INPP4A: variants seen among roughly 807,000 people sequenced by gnomAD.
INPP4A encodes the protein inositol polyphosphate-4-phosphatase type I A, also known as inositol polyphosphate-4-phosphatase, type I, 107kD.
INPP4A carries 33 observed loss-of-function variants against 119.8 expected under a neutral mutation model. The ratio of observed to expected loss-of-function variants is 0.28; its 90% confidence interval spans 0.21 to 0.37. The LOEUF (loss-of-function observed/expected upper bound fraction) is 0.37, where lower values mean the gene tolerates loss of function less well. Among genes scored for constraint, INPP4A ranks in the 10% least tolerant of loss-of-function variants. The probability of loss-of-function intolerance (pLI) is 1.00; values close to 1 mark genes in which losing one functional copy is unlikely to be tolerated. For synonymous variants in INPP4A, 496 were observed against 500.7 expected, an observed-to-expected ratio of 0.99 and a Z score of 0.12; for missense variants, 956 against 1,289.9, an observed-to-expected ratio of 0.74 and a Z score of 3.97.
At chr2:98,453,317 C>T (rs535805571) in intron 1 of INPP4A, among the ~76,000 whole-genome samples, 29 of 152,346 alleles carry the variant, frequency 1.9e-4, no homozygotes, top group African/African-American at 6.5e-4. Context: ...AGGGTCCACA[C>T]AGCATGTTTC....
rs999076270 is a variant in INPP4A at position 98,444,958 on chromosome 2, GC to G, written c.-292del. 2.7e-4 allele frequency: 40 copies of G among 150,878 alleles called. No homozygotes were observed. Among genetic ancestry groups the G allele is most frequent in the African/African-American group, 9.4e-4 (39 of 41,388 alleles). 9.3% of individuals were successfully genotyped at this position (150,878 alleles called of 1,614,324 possible). On this transcript the variant is annotated 5_prime_UTR_variant, in exon 1 of 25. Coordinates refer to ENST00000409851, the MANE Select transcript of INPP4A (RefSeq NM_001134225.2). ...TCCGTGGGCCGGGGCAGGAGGACCAGCACCTGAGGCCGGGCCCGCAGCCCGC... is the reference window on the plus strand; with the variant it reads ...TCCGTGGGCCGGGGCAGGAGGACCAGACCTGAGGCCGGGCCCGCAGCCCGC...
chr2:98,534,146 C>T (rs182270415), intron 5 of INPP4A, among the ~76,000 whole-genome samples: 33 of 152,360 alleles, frequency 2.2e-4, no homozygotes, highest in African/African-American at 7.7e-4. Flanking sequence ...CTAGCCCACC[C>T]TTTCAGTCTC....
intron 11 of INPP4A, among the ~76,000 whole-genome samples, chr2:98,544,404 C>A (rs1575011515): frequency 6.6e-6 from 1 of 152,142 alleles, no homozygotes; most frequent in Admixed American, 6.5e-5. Context: ...GTAGGCCACT[C>A]GCCTTGAAAC....
intron 1 of INPP4A, among the ~76,000 whole-genome samples, chr2:98,516,294 T>C (rs147046929): frequency 0.013 from 1,946 of 152,320 alleles, 19 homozygotes; most frequent in Admixed American, 0.019. Flanking sequence ...TATGAAGTGC[T>C]TCTAAGGTCT....
chr2:98,581,999 T>C (rs556666037), intron 24 of INPP4A, among the ~76,000 whole-genome samples: 1 of 152,356 alleles, frequency 6.6e-6, no homozygotes, highest in African/African-American at 2.4e-5. Flanking sequence ...GTTCTTACGG[T>C]GCCCTGTCAC....
intron 1 of INPP4A, among the ~76,000 whole-genome samples, chr2:98,455,916 C>T (rs1696061218): frequency 6.6e-6 from 1 of 152,240 alleles, no homozygotes; most frequent in Non-Finnish European, 1.5e-5. Context: ...AGACCACATT[C>T]TTCCTGGTCC....
rs376604617 is a variant in INPP4A, at chr2:98,555,975, G to A, written c.1822+167G>A. 3.9e-4 allele frequency: 289 copies of A among 748,552 alleles called. 1 individual carries two copies. Among genetic ancestry groups the A allele is most frequent in the East Asian group, 1.1e-3 (38 of 36,036 alleles). 46.4% of individuals were successfully genotyped at this position (748,552 alleles called of 1,614,324 possible). On this transcript the variant is annotated intron_variant, in intron 16 of 24. Coordinates refer to ENST00000409851, the MANE Select transcript of INPP4A (RefSeq NM_001134225.2). ...GCATGGAGCAGCAGGCAGTGAGAGC[G>A]GAGTCTCCGGTTGCCTTTCCATGTA... is the stretch of plus-strand genomic sequence containing the variant.
At chr2:98,552,021 C>A (rs887637307) in intron 13 of INPP4A, among the ~76,000 whole-genome samples, 1 of 152,112 alleles carries the variant, frequency 6.6e-6, no homozygotes, top group African/African-American at 2.4e-5. Context: ...AGGGGCTGGG[C>A]TGTAGGCTTG....
At chr2:98,526,602 A>G (rs1187218671) in intron 4 of INPP4A, among the ~76,000 whole-genome samples, 1 of 152,230 alleles carries the variant, frequency 6.6e-6, no homozygotes, top group East Asian at 1.9e-4. Context: ...AACTCTGAAA[A>G]TTAACAGAGG....
At chr2:98,520,971 G>A (rs997020422) in intron 4 of INPP4A, 2 of 421,052 alleles carry the variant, frequency 4.8e-6, no homozygotes, top group Admixed American at 9.1e-5. Flanking sequence ...CCCCCTTGGG[G>A]GTATGCTCTC....
In INPP4A at chr2:98,589,572, C is replaced by T. The variant is rs1235093442; in HGVS notation, c.*1964C>T. The stretch of plus-strand genomic sequence containing the variant: ...ATATGAATTATTTTCCCAATTTTTG[C>T]TCTATGTAATGGGTCACCATAAAAC... On this transcript the variant is annotated 3_prime_UTR_variant, in exon 25 of 25. Transcript: ENST00000409851. The T allele has an allele frequency of 5.6e-6, 1 of 179,084 alleles. No homozygotes were observed. Among genetic ancestry groups the T allele is most frequent in the Non-Finnish European group, 1.2e-5 (1 of 83,570 alleles). 11.1% of individuals were successfully genotyped at this position (179,084 alleles called of 1,614,324 possible).
chr2:98,534,543 T>C (rs1162485680), intron 5 of INPP4A, among the ~76,000 whole-genome samples: 1 of 152,182 alleles, frequency 6.6e-6, no homozygotes, highest in Non-Finnish European at 1.5e-5. Flanking sequence ...GTCGGGGGAC[T>C]CCACATGAAG....
intron 1 of INPP4A, among the ~76,000 whole-genome samples, chr2:98,497,330 G>T (rs1319307548): frequency 1.3e-5 from 2 of 152,240 alleles, no homozygotes; most frequent in Non-Finnish European, 2.9e-5. Context: ...CTAGGGCAGT[G>T]CAGAAGGGAA....
At chr2:98,487,917 G>A (rs1028700315) in intron 1 of INPP4A, among the ~76,000 whole-genome samples, 1 of 152,206 alleles carries the variant, frequency 6.6e-6, no homozygotes, top group African/African-American at 2.4e-5. Context: ...TCAGCAGCTG[G>A]ACTTGCGGAG....
At chr2:98,564,515 T>TG in intron 18 of INPP4A, 125 bp from the exon 19 acceptor site, 2 of 1,178,906 alleles carry the variant, frequency 1.7e-6, no homozygotes, top group Non-Finnish European at 2.4e-6. Flanking sequence ...GGATGGGAGG[T>TG]GCCACTGAAG....
intron 4 of INPP4A, among the ~76,000 whole-genome samples, chr2:98,525,363 TGATA>T (rs1037073838): frequency 2.6e-5 from 4 of 152,236 alleles, no homozygotes; most frequent in African/African-American, 9.6e-5. Flanking sequence ...AGGGCTCCTG[TGATA>T]GATTGAGCCC....
At chr2:98,510,330 G>A (rs1276858409) in intron 1 of INPP4A, among the ~76,000 whole-genome samples, 1 of 152,198 alleles carries the variant, frequency 6.6e-6, no homozygotes, top group African/African-American at 2.4e-5. Flanking sequence ...CTGGTGAGGT[G>A]AAAGAGGAAG....
intron 1 of INPP4A, among the ~76,000 whole-genome samples, chr2:98,463,100 C>G (rs1030122288): frequency 3.3e-5 from 5 of 152,122 alleles, no homozygotes; most frequent in African/African-American, 9.7e-5. Context: ...CCTCGGCCTC[C>G]GAAAGTGCTG....
chr2:98,503,796 A>G (rs1683566113), intron 1 of INPP4A, among the ~76,000 whole-genome samples: 1 of 152,224 alleles, frequency 6.6e-6, no homozygotes, highest in Non-Finnish European at 1.5e-5. Context: ...CTTCTCCTGC[A>G]GGCAGGGCTC....
Sources: gnomAD v4.1 joint callset for allele counts (sites outside exome capture counted in the v4.1 genomes callset) on GRCh38, gnomAD v4.1.1 for gene constraint, MANE v1.5 for transcripts, NCBI Gene and HGNC (gene_info 2026-07-23, HGNC 2026-07-21) for gene names.